Variants in KCNN4 observed in about 807,000 individuals in gnomAD.
KCNN4 encodes potassium calcium-activated channel subfamily N member 4.
In KCNN4, 31 loss-of-function variants were observed where a neutral mutation model predicts 45.2. The observed-to-expected ratio is 0.69, with a 90% confidence interval of 0.52 to 0.92. The LOEUF (loss-of-function observed/expected upper bound fraction) is 0.92. Ranked by LOEUF, KCNN4 falls within the 40% of genes least tolerant of loss-of-function variation. KCNN4 has a pLI of 0.00. For synonymous variants in KCNN4, 231 were observed against 254.6 expected (o/e 0.91, Z 0.88); for missense variants, 463 against 574.0 (o/e 0.81, Z 1.98).
chr19:43,775,129 A>C (rs960456358), intron 2 of KCNN4, among the ~76,000 whole-genome samples: 5 of 152,178 alleles, frequency 3.3e-5, no homozygotes, highest in Non-Finnish European at 5.9e-5. Flanking sequence ...AGTTTGAGAC[A>C]AGCCTGGCCA....
At chr19:43,767,801 CT>C in intron 7 of KCNN4, 94 bp from the exon 8 acceptor site, 1 of 1,429,364 alleles carries the variant, frequency 7.0e-7, no homozygotes, top group Non-Finnish European at 9.7e-7. Context: ...TGACCACATC[CT>C]TATGGTCCTC....
At chr19:43,768,076 A>G (rs1938806163) in intron 7 of KCNN4, among the ~76,000 whole-genome samples, 1 of 152,178 alleles carries the variant, frequency 6.6e-6, no homozygotes, top group Non-Finnish European at 1.5e-5. Flanking sequence ...CCAAATCCAC[A>G]TAGTCTTTTA....
intron 4 of KCNN4, among the ~76,000 whole-genome samples, chr19:43,771,345 G>T (rs113756645): frequency 6.6e-6 from 1 of 152,248 alleles, no homozygotes; most frequent in East Asian, 1.9e-4. Context: ...AGCACTTTAC[G>T]TAGTTGGACC....
chr19:43,772,063 G>C lies in KCNN4; in HGVS notation c.756C>G (p.Gly252=). The change falls in exon 4 of 9, where the codon GGC becomes GGG. Residue 252 remains glycine, a synonymous_variant. Coordinates refer to ENST00000648319, the MANE Select transcript of KCNN4 (RefSeq NM_002250.3). This position sits in a 1 kb window ranked among gnomAD's most constrained non-coding sequence, Gnocchi z 4.4. ...WLIPITFLTI[G]YGDVVPGTMW... ...TGGTGCCCGGCACCACGTCACCATA[G>C]CCGATGGTCAGGAATGTGATGGGGA... The C allele has an allele frequency of 1.9e-6, 3 of 1,613,638 alleles. No individual in the cohort carries two copies. The highest frequency in any genetic ancestry group is 1.7e-6 in the Non-Finnish European group (2 of 1,179,836).
intron 1 of KCNN4, among the ~76,000 whole-genome samples, chr19:43,777,341 T>TG (rs1969843993): frequency 9.1e-6 from 1 of 110,344 alleles, no homozygotes; most frequent in African/African-American, 3.3e-5. Flanking sequence ...GTGTGTGTGG[T>TG]GTCTAGAAAA....
intron 4 of KCNN4, among the ~76,000 whole-genome samples, chr19:43,771,657 A>C (rs1024252217): frequency 3.9e-5 from 6 of 152,126 alleles, no homozygotes; most frequent in African/African-American, 1.4e-4. Context: ...GAGAGCAAGG[A>C]CTTAGGGGCT....
At chr19:43,775,021 A>G (rs934637007) in intron 2 of KCNN4, among the ~76,000 whole-genome samples, 1 of 152,168 alleles carries the variant, frequency 6.6e-6, no homozygotes, top group Non-Finnish European at 1.5e-5. Context: ...TGTAATAATA[A>G]TATCAGCAAT....
At position 43,774,612 on chromosome 19, in the gene KCNN4, A is replaced by C. The variant is rs201220075; in HGVS notation, c.263T>G (p.Met88Arg). 1,500 of 1,501,022 alleles carry C rather than the reference A, an allele frequency of 1.0e-3. No individual in the cohort carries two copies. The highest frequency in any genetic ancestry group is 1.2e-3 in the Non-Finnish European group (1,413 of 1,134,528). 93.0% of individuals were successfully genotyped at this position (1,501,022 alleles called of 1,614,324 possible). The change falls in exon 3 of 9, where the codon ATG (methionine) becomes AGG (arginine). Residue 88 changes from methionine (M) to arginine (R), a missense_variant. Physicochemically the swap from Met to Arg is moderately conservative, Grantham distance 91 (BLOSUM62 -1). Transcript: ENST00000648319. This position sits in a 1 kb window ranked among gnomAD's most constrained non-coding sequence, Gnocchi z 5.6. Reference protein sequence around the residue: ...AFHAKEVQLFMTDNGLRDWRV... With the variant: ...AFHAKEVQLFRTDNGLRDWRV... ...CCAGTCCCGCAGCCCGTTGTCGGTCATGAACAGCTGCCGGTAGGGGGCCAA... is the reference window on the plus strand; with the variant it reads ...CCAGTCCCGCAGCCCGTTGTCGGTCCTGAACAGCTGCCGGTAGGGGGCCAA...
Position 43,769,434 on chromosome 19 carries a change from G to A in KCNN4, c.1049+8C>T, listed in dbSNP as rs749712361. 6.2e-7 allele frequency: 1 copy of A among 1,609,898 alleles called. No individual in the cohort carries two copies. Among genetic ancestry groups the A allele is most frequent in the Non-Finnish European group, 8.5e-7 (1 of 1,176,344 alleles). On this transcript the variant is annotated splice_region_variant and intron_variant, in intron 6 of 8. Transcript: ENST00000648319. This position sits in a 1 kb window ranked among gnomAD's most constrained non-coding sequence, Gnocchi z 4.4. ...CATGGACACGTGTGCATACAAAGCG[G>A]CCCTCACGCGTTGATGGCGGCCAGC...
At chr19:43,767,843 A>C in intron 7 of KCNN4, 136 bp from the exon 8 acceptor site, 1 of 1,121,602 alleles carries the variant, frequency 8.9e-7, no homozygotes, top group Non-Finnish European at 1.3e-6. Flanking sequence ...AACTGTTACC[A>C]TGTATTGACC....
intron 2 of KCNN4, 63 bp downstream of exon 2, chr19:43,776,478 G>T: frequency 8.8e-7 from 1 of 1,133,552 alleles, no homozygotes; most frequent in Non-Finnish European, 1.3e-6. Context: ...GGTGGAAAGT[G>T]TGAGCTGACA....
chr19:43,774,103 A>AG lies in KCNN4; in HGVS notation c.683+88dup. ...TGAACTTTCTCCACTGCTTGGTCCT[A>AG]GGGGGCCTCAACCTGCACCGCGGCA... is the stretch of plus-strand genomic sequence containing the variant. On this transcript the variant is annotated intron_variant, in intron 3 of 8. Coordinates refer to ENST00000648319, the MANE Select transcript of KCNN4 (RefSeq NM_002250.3). The surrounding 1 kb of genome is among the most constrained non-coding windows in gnomAD (Gnocchi z 5.6). 1 of 1,345,452 alleles carries AG rather than the reference A, an allele frequency of 7.4e-7. No individual in the cohort carries two copies. The highest frequency in any genetic ancestry group is 1.4e-5 in the South Asian group (1 of 71,462). 83.3% of individuals were successfully genotyped at this position (1,345,452 alleles called of 1,614,324 possible). A position where few individuals can be genotyped will look rare whatever the true frequency, so the allele number is the denominator to read the frequency against.
intron 1 of KCNN4, chr19:43,776,891 A>G (rs1969823265): frequency 2.3e-6 from 1 of 429,374 alleles, no homozygotes; most frequent in African/African-American, 2.0e-5. Context: ...GAAGGTCGGG[A>G]GTTTGAGACC....
Position 43,772,755 on chromosome 19 carries a change from A to T in KCNN4, c.684-620T>A, listed in dbSNP as rs1433854005. Among the ~76,000 whole-genome samples, 1 of 152,120 alleles carries T rather than the reference A, an allele frequency of 6.6e-6. No homozygotes were observed. Among genetic ancestry groups the T allele is most frequent in the African/African-American group, 2.4e-5 (1 of 41,412 alleles). On this transcript the variant is annotated intron_variant, in intron 3 of 8. Transcript: ENST00000648319. This position sits in a 1 kb window ranked among gnomAD's most constrained non-coding sequence, Gnocchi z 4.4. ...AAGACCAGCAGGGAAAGCTTCATTC[A>T]TGAGGGCCCCTGACACCCCAGACCC...
chr19:43,776,253 G>A (rs936726188), intron 2 of KCNN4, among the ~76,000 whole-genome samples: 2 of 151,772 alleles, frequency 1.3e-5, no homozygotes, highest in Admixed American at 1.3e-4. Context: ...CCTGGGAGCA[G>A]AGTGGACAGA....
chr19:43,767,324 A>C, intron 8 of KCNN4: 1 of 563,736 alleles, frequency 1.8e-6, no homozygotes. Context: ...AAGAGGGAGA[A>C]GGCCATCAAG....
intron 7 of KCNN4, among the ~76,000 whole-genome samples, 166 bp downstream of exon 7, chr19:43,768,797 G>A (rs1599671608): frequency 6.6e-6 from 1 of 151,636 alleles, no homozygotes; most frequent in Non-Finnish European, 1.5e-5. Flanking sequence ...AAGAAGCTCT[G>A]TGTTGCATCA....
At chr19:43,777,298 G>GGGGT (rs1555725378) in intron 1 of KCNN4, among the ~76,000 whole-genome samples, 1 of 33,112 alleles carries the variant, frequency 3.0e-5, no homozygotes, top group African/African-American at 7.5e-5. Flanking sequence ...TAGTTCTTCA[G>GGGGT]GTGTGTGTGT....
intron 1 of KCNN4, among the ~76,000 whole-genome samples, chr19:43,780,061 C>T (rs1201523472): frequency 6.6e-6 from 1 of 152,012 alleles, no homozygotes; most frequent in Non-Finnish European, 1.5e-5. Flanking sequence ...GACCAAAGAG[C>T]TGCCGCCTAC....
Sources: gnomAD v4.1 joint callset for allele counts (sites outside exome capture counted in the v4.1 genomes callset) on GRCh38, gnomAD v4.1.1 for gene constraint, Gnocchi (gnomAD v3.1) non-coding constraint, MANE v1.5 for transcripts, NCBI Gene and HGNC (gene_info 2026-07-23, HGNC 2026-07-21) for gene names.